The following C12orf42 variants were observed in gnomAD, a reference collection of about 807,000 sequenced individuals.
C12orf42 encodes uncharacterized protein C12orf42.
A neutral mutation model predicts 21.6 loss-of-function variants in C12orf42; 25 were observed. The ratio of observed to expected loss-of-function variants is 1.16; its 90% confidence interval spans 0.84 to 1.62. The LOEUF is 1.62. Among genes scored for constraint, C12orf42 ranks in the 40% most tolerant of loss-of-function variants. The pLI, the probability that C12orf42 is intolerant of heterozygous loss-of-function variation, is 0.00. For synonymous variants in C12orf42, 174 were observed against 175.0 expected (o/e 0.99, Z 0.05); for missense variants, 483 against 459.3 (o/e 1.05, Z -0.47).
chr12:103,436,279 A>T (rs1448572063), intron 2 of C12orf42, among the ~76,000 whole-genome samples: 1 of 152,022 alleles, frequency 6.6e-6, no homozygotes, highest in Non-Finnish European at 1.5e-5. Flanking sequence ...AACAACCGGT[A>T]CCAGGCGCTG....
chr12:103,378,913 T>G (rs1367023525), intron 3 of C12orf42: 1 of 151,328 alleles, frequency 6.6e-6, no homozygotes, highest in East Asian at 1.9e-4. Flanking sequence ...TCAATGAAAA[T>G]TGAAAGGGAA....
In C12orf42 at chr12:103,430,458, GAAC is replaced by G. The variant is rs536045176; in HGVS notation, c.79-28786_79-28784del. Among the ~76,000 whole-genome samples, 541 of 152,114 alleles carry G rather than the reference GAAC, an allele frequency of 3.6e-3. 6 individuals are homozygous for G. The highest frequency in any genetic ancestry group is 0.012 in the African/African-American group (506 of 41,532). On this transcript the variant is annotated intron_variant, in intron 2 of 5. Transcript: ENST00000548883. ...GAATGGCGATCATTAAAAAGTCAGG[GAAC>G]AACAGACACTGGAGAGAATGTAGAG...
At chr12:103,355,800 T>A (rs1043722405) in intron 4 of C12orf42, among the ~76,000 whole-genome samples, 1 of 152,082 alleles carries the variant, frequency 6.6e-6, no homozygotes, top group Non-Finnish European at 1.5e-5. Flanking sequence ...CTTAGTACAT[T>A]TCTTAATTGT....
At chr12:103,142,849 A>G in the C12orf42 span, among the ~76,000 whole-genome samples, 1 of 152,188 alleles carries the variant, frequency 6.6e-6, no homozygotes, top group Non-Finnish European at 1.5e-5. Flanking sequence ...ATATAAACAT[A>G]TATATTTTAA....
At chr12:103,256,107 TATATAC>T (rs1240165560) in intron 10 of C12orf42, among the ~76,000 whole-genome samples, 725 of 38,974 alleles carry the variant, frequency 0.019, 5 homozygotes, top group African/African-American at 0.023. Flanking sequence ...TATATATATA[TATATAC>T]ACACACACAC....
At chr12:103,314,532 G>C (rs1452976439) in intron 4 of C12orf42, among the ~76,000 whole-genome samples, 1 of 152,166 alleles carries the variant, frequency 6.6e-6, no homozygotes, top group Non-Finnish European at 1.5e-5. Context: ...CTGGGGACCA[G>C]GTTTAGAGAG....
intron 5 of C12orf42, among the ~76,000 whole-genome samples, chr12:103,275,740 A>ATTTTT (rs202030025): frequency 7.2e-6 from 1 of 139,748 alleles, no homozygotes; most frequent in African/African-American, 2.6e-5. Context: ...ATCAAGTAGG[A>ATTTTT]TTTTTTTTTT....
chr12:103,381,499 A>G (rs2046167578), intron 3 of C12orf42, among the ~76,000 whole-genome samples: 2 of 152,330 alleles, frequency 1.3e-5, no homozygotes, highest in Non-Finnish European at 2.9e-5. Context: ...GATGATGACA[A>G]CAACAACAGC....
the C12orf42 span, among the ~76,000 whole-genome samples, chr12:103,510,864 T>A: frequency 8.4e-3 from 1,277 of 152,272 alleles, 13 homozygotes; most frequent in Non-Finnish European, 0.011. Context: ...CAGGCTACAA[T>A]CCTCTTTTTA....
At chr12:103,094,679 G>C in the C12orf42 span, among the ~76,000 whole-genome samples, 3 of 152,152 alleles carry the variant, frequency 2.0e-5, no homozygotes, top group Non-Finnish European at 4.4e-5. Context: ...AGTAGGAATA[G>C]AATAGATTCC....
At chr12:103,337,775 C>T (rs1452701132) in intron 4 of C12orf42, among the ~76,000 whole-genome samples, 16 of 152,170 alleles carry the variant, frequency 1.1e-4, no homozygotes. Context: ...AAACCTCATT[C>T]CCAGCCCAAT....
the C12orf42 span, among the ~76,000 whole-genome samples, chr12:103,510,897 C>A: frequency 6.6e-6 from 1 of 152,180 alleles, no homozygotes; most frequent in East Asian, 1.9e-4. Flanking sequence ...CACATCAGGT[C>A]CAGCCCCATC....
the C12orf42 span, among the ~76,000 whole-genome samples, chr12:103,144,531 G>T: frequency 6.6e-6 from 1 of 152,178 alleles, no homozygotes; most frequent in Non-Finnish European, 1.5e-5. Flanking sequence ...TGCCGCCGTG[G>T]GCTAGGCAAA....
the C12orf42 span, among the ~76,000 whole-genome samples, chr12:103,086,503 C>G: frequency 6.7e-6 from 1 of 148,800 alleles, no homozygotes; most frequent in Non-Finnish European, 1.5e-5. Context: ...GAGCTGGAGA[C>G]CAGGCAATAC....
chr12:103,449,148 C>CT (rs1351397202), intron 2 of C12orf42, among the ~76,000 whole-genome samples: 1 of 151,650 alleles, frequency 6.6e-6, no homozygotes, highest in Non-Finnish European at 1.5e-5. Context: ...CCATGGAATA[C>CT]TACGCAACCA....
chr12:103,437,374 A>G lies in C12orf42; in HGVS notation c.79-35699T>C, dbSNP rs995448718. ...AAAAGCAAGCGCAAACACATTCAAA[A>G]GCTAGCAGAAGGCAAGAAATAACTA... On this transcript the variant is annotated intron_variant, in intron 2 of 5. Coordinates refer to ENST00000548883, the MANE Select transcript of C12orf42 (RefSeq NM_198521.5). Among the ~76,000 whole-genome samples the G allele has an allele frequency of 1.3e-5, 2 of 152,000 alleles. 1 individual carries two copies. The highest frequency in any genetic ancestry group is 1.3e-4 in the Admixed American group (2 of 15,264).
At chr12:103,047,965 G>T in the C12orf42 span, among the ~76,000 whole-genome samples, 1 of 152,148 alleles carries the variant, frequency 6.6e-6, no homozygotes, top group African/African-American at 2.4e-5. Context: ...AAATCACGAG[G>T]CCAGCCCAGA....
At chr12:103,311,664 A>C (rs1039571900) in intron 4 of C12orf42, among the ~76,000 whole-genome samples, 2 of 152,222 alleles carry the variant, frequency 1.3e-5, no homozygotes, top group Admixed American at 1.3e-4. Context: ...ACTTGAGCCA[A>C]AATCCATAGC....
intron 3 of C12orf42, chr12:103,396,373 T>G (rs968892642): frequency 6.6e-6 from 1 of 152,254 alleles, no homozygotes; most frequent in Non-Finnish European, 1.5e-5. Flanking sequence ...TCCCCAGCCA[T>G]GCAGAACTGT....
Sources: allele counts gnomAD v4.1 joint callset (sites outside exome capture counted in the v4.1 genomes callset), GRCh38; gene constraint gnomAD v4.1.1; transcripts MANE v1.5; gene names NCBI Gene and HGNC (gene_info 2026-07-23, HGNC 2026-07-21).